The following ASH1L variants were observed in gnomAD, a reference collection of about 807,000 sequenced individuals.
The protein encoded by ASH1L is ASH1 like histone lysine methyltransferase.
ASH1L carries 23 observed loss-of-function variants against 269.0 expected under a neutral mutation model. The ratio of observed to expected loss-of-function variants is 0.09; its 90% CI spans 0.06 to 0.12. The LOEUF (loss-of-function observed/expected upper bound fraction) is 0.12. Among genes scored for constraint, ASH1L ranks in the 10% least tolerant of loss-of-function variants. The probability of loss-of-function intolerance (pLI) is 1.00; values close to 1 mark genes in which losing one functional copy is unlikely to be tolerated. For missense variants in ASH1L, 2,912 were observed against 3,567.8 expected (o/e 0.82, Z 4.68); for synonymous variants, 1,187 against 1,253.5 (o/e 0.95, Z 1.12).
At chr1:155,389,987 T>C (rs183338275) in intron 7 of ASH1L, among the ~76,000 whole-genome samples, 1 of 151,896 alleles carries the variant, frequency 6.6e-6, no homozygotes, top group Admixed American at 6.6e-5. Flanking sequence ...ATCATTATGA[T>C]GACTCTTACT....
At chr1:155,482,517 A>G in intron 2 of ASH1L, 68 bp from the exon 3 acceptor site, 1 of 1,478,692 alleles carries the variant, frequency 6.8e-7, no homozygotes, top group East Asian at 2.3e-5. Context: ...TAGCTTAACA[A>G]TCCAACAAAC....
chr1:155,485,976 T>C (rs1666304481), intron 2 of ASH1L, among the ~76,000 whole-genome samples: 1 of 152,160 alleles, frequency 6.6e-6, no homozygotes, highest in Non-Finnish European at 1.5e-5. Context: ...AAAAAGTTCT[T>C]CCTAAGAGTA....
chr1:155,429,667 C>A (rs1046313987), intron 5 of ASH1L, among the ~76,000 whole-genome samples: 3 of 152,066 alleles, frequency 2.0e-5, no homozygotes, highest in Non-Finnish European at 4.4e-5. Context: ...CCTTAAAAGT[C>A]AGAAGATTGG....
At chr1:155,522,495 T>C (rs1327273405) in intron 1 of ASH1L, among the ~76,000 whole-genome samples, 2 of 152,140 alleles carry the variant, frequency 1.3e-5, no homozygotes, top group Non-Finnish European at 2.9e-5. Context: ...TTTTACAAGT[T>C]TTCCTAATAG....
At chr1:155,380,237 G>A in intron 7 of ASH1L, 121 bp from the exon 8 acceptor site, 1 of 688,670 alleles carries the variant, frequency 1.5e-6, no homozygotes, top group Non-Finnish European at 2.4e-6. Context: ...ATTCTTTAAG[G>A]ATTTTTCCAT....
intron 5 of ASH1L, among the ~76,000 whole-genome samples, chr1:155,426,085 G>A (rs2148579353): frequency 6.6e-6 from 1 of 151,718 alleles, no homozygotes; most frequent in South Asian, 2.1e-4. Flanking sequence ...TATTTTTTAA[G>A]ACAGGGTCTC....
At chr1:155,489,276 G>A (rs1666579439) in intron 2 of ASH1L, among the ~76,000 whole-genome samples, 1 of 150,068 alleles carries the variant, frequency 6.7e-6, no homozygotes, top group Non-Finnish European at 1.5e-5. Flanking sequence ...TTTGAGACCA[G>A]CCTGATCAAT....
In ASH1L at chr1:155,480,496, G is replaced by A. The variant is rs780899491; in HGVS notation, c.2374C>T (p.Leu792Phe). The A allele has an allele frequency of 6.2e-7, 1 of 1,614,126 alleles. No individual in the cohort carries two copies. Among genetic ancestry groups the A allele is most frequent in the Non-Finnish European group, 8.5e-7 (1 of 1,179,968 alleles). ...GATGGTTTTTCACTATCAGCTAAGA[G>A]AGCAAGAGATGGAGCTGTGGATTTG... ...LSKSTAPSLA[L>F]LADSEKPSHK... The change falls in exon 3 of 28, where the codon CTC (leucine) becomes TTC (phenylalanine). Residue 792 changes from leucine (L) to phenylalanine (F), a missense_variant. Coordinates refer to ENST00000392403, the MANE Select transcript of ASH1L (RefSeq NM_018489.3).
In ASH1L at chr1:155,509,142, T is replaced by C. The variant is rs190702279; in HGVS notation, c.420+11958A>G. ...ACAGGGAGCACACTAAAATACAAGT[T>C]AGGAGGATGGATTAGTCCTACCTAT... On this transcript the variant is annotated intron_variant, in intron 2 of 27. Coordinates refer to ENST00000392403, the MANE Select transcript of ASH1L (RefSeq NM_018489.3). Among the ~76,000 whole-genome samples the C allele has an allele frequency of 2.7e-3, 417 of 152,326 alleles. 5 individuals carry two copies. The highest frequency in any genetic ancestry group is 6.0e-4 in the Non-Finnish European group (41 of 68,032).
chr1:155,362,527 A>G (rs963809712), intron 12 of ASH1L, among the ~76,000 whole-genome samples: 6 of 152,152 alleles, frequency 3.9e-5, no homozygotes, highest in African/African-American at 1.4e-4. Context: ...TAGTTATTAT[A>G]ACCCTCATAC....
rs1024650705 is a variant in ASH1L at position 155,480,693 on chromosome 1, C to T, written c.2177G>A (p.Ser726Asn). ...TAGCCCTTTTGGAGACCGGCATGTG[C>T]TTCTTGCCACCACTTTAGTCCACCG... ...KPRWTKVVARSTCRSPKGLEL... is the reference protein window; with the variant it reads ...KPRWTKVVARNTCRSPKGLEL... Residue 726 changes from serine (S) to asparagine (N), a missense_variant, in exon 3 of 28, where the codon AGC (serine) becomes AAC (asparagine). Transcript: ENST00000392403. The T allele has an allele frequency of 3.7e-6, 6 of 1,613,672 alleles. No individual in the cohort carries two copies. The highest frequency in any genetic ancestry group is 2.2e-5 in the East Asian group (1 of 44,874).
intron 6 of ASH1L, among the ~76,000 whole-genome samples, chr1:155,413,459 T>C (rs932419426): frequency 3.3e-5 from 5 of 152,146 alleles, no homozygotes; most frequent in Admixed American, 3.3e-4. Flanking sequence ...TACAAACAAT[T>C]AGCTGGGCAC....
intron 13 of ASH1L, among the ~76,000 whole-genome samples, chr1:155,358,380 C>G (rs1174729118): frequency 6.6e-6 from 1 of 151,942 alleles, no homozygotes; most frequent in Non-Finnish European, 1.5e-5. Context: ...CTCCTATATA[C>G]TTCTTTAAAA....
At chr1:155,508,191 T>C (rs1667936219) in intron 2 of ASH1L, among the ~76,000 whole-genome samples, 1 of 152,184 alleles carries the variant, frequency 6.6e-6, no homozygotes, top group South Asian at 2.1e-4. Flanking sequence ...AAAATACTGC[T>C]GTAGAAAAAT....
intron 2 of ASH1L, among the ~76,000 whole-genome samples, chr1:155,504,037 T>A (rs74657720): frequency 0.02 from 3,105 of 152,230 alleles, 102 homozygotes; most frequent in African/African-American, 0.071. Context: ...ACTCTTGACA[T>A]AAGGCATCTG....
At chr1:155,411,594 T>TATATAA (rs1317636436) in intron 6 of ASH1L, among the ~76,000 whole-genome samples, 2 of 33,646 alleles carry the variant, frequency 5.9e-5, no homozygotes, top group Admixed American at 6.1e-4. Flanking sequence ...TAAATATATA[T>TATATAA]ATATATATAT....
intron 1 of ASH1L, among the ~76,000 whole-genome samples, chr1:155,527,589 T>C (rs1015042378): frequency 6.9e-6 from 1 of 144,198 alleles, no homozygotes; most frequent in Admixed American, 7.4e-5. Flanking sequence ...CTGGCCAGAG[T>C]GCAGTGGCAC....
At chr1:155,378,982 G>A (rs1656709017) in intron 8 of ASH1L, among the ~76,000 whole-genome samples, 1 of 151,992 alleles carries the variant, frequency 6.6e-6, no homozygotes, top group East Asian at 1.9e-4. Context: ...TTTTCAGGTT[G>A]AGAATTATAG....
At chr1:155,532,533 T>C (rs1004598958) in intron 1 of ASH1L, among the ~76,000 whole-genome samples, 2 of 152,076 alleles carry the variant, frequency 1.3e-5, no homozygotes, top group African/African-American at 4.8e-5. Context: ...ATTAATATAG[T>C]GGTCTGGGCT....
Sources: gnomAD v4.1 joint callset for allele counts (sites outside exome capture counted in the v4.1 genomes callset) on GRCh38, gnomAD v4.1.1 for gene constraint, MANE v1.5 for transcripts, NCBI Gene and HGNC (gene_info 2026-07-23, HGNC 2026-07-21) for gene names.